KIDINS220: variants seen among roughly 807,000 people sequenced by gnomAD.
KIDINS220 encodes kinase D interacting substrate 220, also known as kinase D-interacting substrate of 220 kDa.
A neutral mutation model predicts 157.6 loss-of-function variants in KIDINS220; 63 were observed. That is an observed-to-expected ratio of 0.40 (90% CI 0.33 to 0.49). The LOEUF is 0.49. Among genes scored for constraint, KIDINS220 ranks in the 20% least tolerant of loss-of-function variants. The probability of loss-of-function intolerance (pLI) is 0.66; values close to 1 mark genes in which losing one functional copy is unlikely to be tolerated. For missense variants in KIDINS220, 1,772 were observed against 2,171.2 expected (o/e 0.82, Z 3.65); for synonymous variants, 732 against 783.6 (o/e 0.93, Z 1.10).
intron 17 of KIDINS220, among the ~76,000 whole-genome samples, chr2:8,784,982 G>A (rs564746786): frequency 1.1e-4 from 17 of 152,272 alleles, no homozygotes; most frequent in Non-Finnish European, 1.3e-4. Flanking sequence ...ATTCATACTT[G>A]CCAAAACTTG....
At chr2:8,812,598 A>G (rs1676482282) in intron 5 of KIDINS220, 105 bp from the exon 6 acceptor site, 1 of 486,680 alleles carries the variant, frequency 2.1e-6, no homozygotes. Context: ...TTTTAGGTAG[A>G]TATTTACAAC....
intron 12 of KIDINS220, among the ~76,000 whole-genome samples, chr2:8,793,349 A>G (rs1409186090): frequency 6.6e-6 from 1 of 152,128 alleles, no homozygotes; most frequent in African/African-American, 2.4e-5. Context: ...AAAAAAAATC[A>G]GCTGGGTGTG....
At chr2:8,783,433 T>C (rs1671976038) in intron 17 of KIDINS220, among the ~76,000 whole-genome samples, 1 of 152,162 alleles carries the variant, frequency 6.6e-6, no homozygotes, top group African/African-American at 2.4e-5. Context: ...TCCCTTTTCT[T>C]ACCACTCCTT....
chr2:8,834,454 T>G (rs1381754242), intron 1 of KIDINS220, among the ~76,000 whole-genome samples: 1 of 151,864 alleles, frequency 6.6e-6, no homozygotes, highest in African/African-American at 2.4e-5. Context: ...CATTTATACG[T>G]GTATAAAACA....
At chr2:8,744,554 T>C (rs533161491) in intron 26 of KIDINS220, among the ~76,000 whole-genome samples, 4 of 149,902 alleles carry the variant, frequency 2.7e-5, no homozygotes, top group African/African-American at 9.8e-5. Flanking sequence ...GTTTGTGTAG[T>C]TCTTGACTCT....
intron 27 of KIDINS220, among the ~76,000 whole-genome samples, chr2:8,735,649 T>C (rs1249648816): frequency 6.6e-6 from 1 of 152,256 alleles, no homozygotes; most frequent in Non-Finnish European, 1.5e-5. Context: ...TTACTGCTTT[T>C]ATAAAATGTA....
intron 27 of KIDINS220, 103 bp downstream of exon 27, chr2:8,736,765 G>T: frequency 8.3e-7 from 1 of 1,210,682 alleles, no homozygotes; most frequent in Non-Finnish European, 1.1e-6. Context: ...TTTTAACAGG[G>T]AATGCATGTT....
rs962390730 is a variant in KIDINS220, at chr2:8,770,731, A to G, written c.2950T>C (p.Leu984=). 1.2e-6 allele frequency: 2 copies of G among 1,612,136 alleles called. No individual in the cohort carries two copies. Among genetic ancestry groups the G allele is most frequent in the African/African-American group, 2.7e-5 (2 of 74,964 alleles). Reference sequence around the variant, plus strand: ...ATACCTTCAGTCTCTTCCAAATATAATATGAGCCATGAAGTCCGGTATGGC... The same window carrying G: ...ATACCTTCAGTCTCTTCCAAATATAGTATGAGCCATGAAGTCCGGTATGGC... ...QWPYRTSWLI[L]YLEETEGIPD... Residue 984 remains leucine, a synonymous_variant, in exon 22 of 30, where the codon TTA becomes CTA. Transcript: ENST00000256707.
At chr2:8,826,848 A>C (rs1678883270) in intron 2 of KIDINS220, 138 bp downstream of exon 2, 1 of 409,896 alleles carries the variant, frequency 2.4e-6, no homozygotes, top group East Asian at 3.5e-5. Flanking sequence ...ACTTTTAACT[A>C]TAAGACATTC....
At chr2:8,764,356 T>G (rs1669160198) in intron 22 of KIDINS220, among the ~76,000 whole-genome samples, 1 of 152,088 alleles carries the variant, frequency 6.6e-6, no homozygotes, top group Non-Finnish European at 1.5e-5. Context: ...AATTCATCCA[T>G]GCAACAAAAA....
chr2:8,761,503 A>C (rs1274156910), intron 22 of KIDINS220, among the ~76,000 whole-genome samples: 5 of 152,198 alleles, frequency 3.3e-5, no homozygotes, highest in African/African-American at 1.2e-4. Flanking sequence ...AATTTAAACT[A>C]ATTTGAGGAG....
At chr2:8,749,976 T>C (rs1477721722) in intron 24 of KIDINS220, 136 bp downstream of exon 24, 1 of 681,122 alleles carries the variant, frequency 1.5e-6, no homozygotes, top group Non-Finnish European at 2.4e-6. Context: ...AGTCCTATAT[T>C]TTACATTCAA....
At chr2:8,814,102 G>A (rs1178432957) in intron 4 of KIDINS220, among the ~76,000 whole-genome samples, 2 of 152,150 alleles carry the variant, frequency 1.3e-5, no homozygotes, top group African/African-American at 4.8e-5. Context: ...CTTGCTAAAA[G>A]AGAGAGGATG....
At chr2:8,796,667 C>A in intron 11 of KIDINS220, 104 bp downstream of exon 11, 1 of 874,214 alleles carries the variant, frequency 1.1e-6, no homozygotes, top group South Asian at 1.4e-5. Flanking sequence ...CAAGTCATCT[C>A]TCCCCACACA....
At chr2:8,726,314 AGCAC>A (rs1663309580), downstream of KIDINS220, among the ~76,000 whole-genome samples, 2 of 152,232 alleles carry the variant, frequency 1.3e-5, no homozygotes, top group Admixed American at 1.3e-4. Context: ...TTCCACCTAC[AGCAC>A]GTGTGTGCGA....
intron 5 of KIDINS220, 87 bp downstream of exon 5, chr2:8,813,150 C>T: frequency 1.3e-6 from 1 of 753,242 alleles, no homozygotes; most frequent in Non-Finnish European, 2.2e-6. Flanking sequence ...TTTCTACCCA[C>T]CACGAAGCCA....
intron 21 of KIDINS220, among the ~76,000 whole-genome samples, chr2:8,773,270 T>G (rs1670476657): frequency 1.3e-5 from 2 of 152,322 alleles, no homozygotes; most frequent in South Asian, 4.1e-4. Flanking sequence ...ACATTTGAAA[T>G]GTGGCTTTAG....
intron 1 of KIDINS220, 124 bp from the exon 2 acceptor site, chr2:8,827,253 G>A (rs192697313): frequency 1.6e-4 from 80 of 487,062 alleles, no homozygotes; most frequent in African/African-American, 1.0e-3. Flanking sequence ...GTGAAGATAC[G>A]ACTTCCCACG....
Position 8,793,940 on chromosome 2 carries a change from T to C in KIDINS220, c.1146A>G (p.Lys382=). Residue 382 remains lysine, a synonymous_variant, in exon 12 of 30, where the codon AAA becomes AAG. Coordinates refer to ENST00000256707, the MANE Select transcript of KIDINS220 (RefSeq NM_020738.4). ...GATTTCTTAAAAGCAGTTCTGCCAG[T>C]TTCCGGCTCCTTCCACGAATAGCAA... ...LHIAIRGRSR[K]LAELLLRNPK... 1 of 1,613,714 alleles carries C rather than the reference T, an allele frequency of 6.2e-7. No individual in the cohort carries two copies. The highest frequency in any genetic ancestry group is 1.1e-5 in the South Asian group (1 of 90,928).
Sources: gnomAD v4.1 joint callset for allele counts (sites outside exome capture counted in the v4.1 genomes callset) on GRCh38, gnomAD v4.1.1 for gene constraint, MANE v1.5 for transcripts, NCBI Gene and HGNC (gene_info 2026-07-23, HGNC 2026-07-21) for gene names.